NFYA: variants seen among roughly 807,000 people sequenced by gnomAD.
NFYA encodes the protein CAAT-box DNA binding protein subunit A.
In NFYA, 28 loss-of-function variants were observed where a neutral mutation model predicts 52.8. The ratio of observed to expected loss-of-function variants is 0.53; its 90% CI spans 0.39 to 0.73. The LOEUF is 0.73. Among genes scored for constraint, NFYA ranks in the 30% least tolerant of loss-of-function variants. NFYA has a pLI of 0.00. For missense variants in NFYA, 234 were observed against 427.0 expected (o/e 0.55, Z 3.98); for synonymous variants, 150 against 150.7 (o/e 1.00, Z 0.03).
intron 9 of NFYA, among the ~76,000 whole-genome samples, chr6:41,097,106 C>CT (rs2113827327): frequency 6.6e-6 from 1 of 152,312 alleles, no homozygotes; most frequent in South Asian, 2.1e-4. Context: ...AAGAGATACA[C>CT]TAACAGCCCT....
chr6:41,097,402 G>C lies in NFYA; in HGVS notation c.1036G>C (p.Val346Leu), dbSNP rs1364060933. Reference protein sequence around the residue: ...DEEAMTQIIRVS With the variant: ...DEEAMTQIIRLS Reference sequence around the variant, plus strand: ...AGAAGCAATGACACAGATCATCCGAGTGTCCTAACCCCACGCCATGTGATG... The same window carrying C: ...AGAAGCAATGACACAGATCATCCGACTGTCCTAACCCCACGCCATGTGATG... Residue 346 changes from valine (V) to leucine (L), a missense_variant, in exon 10 of 10, where the codon GTG (valine) becomes CTG (leucine). Transcript: ENST00000341376. The C allele has an allele frequency of 1.2e-6, 2 of 1,613,828 alleles. No homozygotes were observed. Among genetic ancestry groups the C allele is most frequent in the Non-Finnish European group, 1.7e-6 (2 of 1,179,902 alleles).
intron 3 of NFYA, among the ~76,000 whole-genome samples, chr6:41,082,754 A>C (rs565845383): frequency 1.3e-5 from 2 of 152,316 alleles, no homozygotes; most frequent in African/African-American, 4.8e-5. Context: ...ATATGCAAGC[A>C]TTTGGTGTAG....
chr6:41,073,945 G>C (rs967175263), intron 1 of NFYA, among the ~76,000 whole-genome samples: 1 of 151,496 alleles, frequency 6.6e-6, no homozygotes, highest in Non-Finnish European at 1.5e-5. Flanking sequence ...TGTCCGGGCT[G>C]TAAGACCAGT....
intron 1 of NFYA, among the ~76,000 whole-genome samples, chr6:41,075,949 G>C (rs1763721844): frequency 6.6e-6 from 1 of 152,206 alleles, no homozygotes; most frequent in South Asian, 2.1e-4. Flanking sequence ...TTAGTGGAGA[G>C]AAGTGCATTA....
At chr6:41,094,255 C>G in intron 8 of NFYA, 141 bp from the exon 9 acceptor site, 2 of 646,226 alleles carry the variant, frequency 3.1e-6, no homozygotes, top group Non-Finnish European at 5.4e-6. Flanking sequence ...CCAAAGCTTC[C>G]ATCGTCATTC....
chr6:41,093,176 C>A, intron 8 of NFYA, 91 bp downstream of exon 8: 2 of 1,149,878 alleles, frequency 1.7e-6, no homozygotes, highest in Non-Finnish European at 2.4e-6. Flanking sequence ...TTCTCACGTA[C>A]CTTCCAAACA....
At chr6:41,083,618 C>G (rs886442052) in intron 3 of NFYA, among the ~76,000 whole-genome samples, 7 of 152,188 alleles carry the variant, frequency 4.6e-5, no homozygotes, top group African/African-American at 1.7e-4. Context: ...ACCTTCTTCA[C>G]TTTATTTAGA....
In NFYA at chr6:41,080,916, C is replaced by G. The variant is rs1226631990; in HGVS notation, c.162+19C>G. 4 of 1,599,626 alleles carry G rather than the reference C, an allele frequency of 2.5e-6. No homozygotes were observed. In the East Asian group the frequency reaches 6.7e-5, roughly 27 times the overall value. On this transcript the variant is annotated intron_variant, in intron 3 of 9. Coordinates refer to ENST00000341376, the MANE Select transcript of NFYA (RefSeq NM_002505.5). ...CCAGGTAGTGGTACCCTCTCTGATT[C>G]TCTGTGAGCACTGCATGAACTTCTC... is the stretch of plus-strand genomic sequence containing the variant.
chr6:41,092,591 G>A (rs1010842138), intron 7 of NFYA, among the ~76,000 whole-genome samples: 22 of 152,114 alleles, frequency 1.4e-4, no homozygotes, highest in African/African-American at 5.3e-4. Context: ...TTTTTGTGCT[G>A]TTTTTTTGTC....
intron 8 of NFYA, among the ~76,000 whole-genome samples, 172 bp from the exon 9 acceptor site, chr6:41,094,224 A>G (rs770991593): frequency 2.0e-5 from 3 of 152,164 alleles, no homozygotes; most frequent in African/African-American, 4.8e-5. Context: ...GGTTAGCTAT[A>G]TTACTTACTA....
At chr6:41,083,846 T>C (rs927005121) in intron 3 of NFYA, among the ~76,000 whole-genome samples, 200 bp from the exon 4 acceptor site, 2 of 152,368 alleles carry the variant, frequency 1.3e-5, no homozygotes, top group East Asian at 1.9e-4. Context: ...TGTCTGACCT[T>C]AAAGTATTGA....
intron 4 of NFYA, among the ~76,000 whole-genome samples, chr6:41,085,149 AT>A: frequency 6.6e-6 from 1 of 152,342 alleles, no homozygotes; most frequent in South Asian, 2.1e-4. Flanking sequence ...CTGTAGAGTT[AT>A]TTTGGAAAGG....
chr6:41,097,067 G>A (rs146220549), intron 9 of NFYA, among the ~76,000 whole-genome samples: 2,575 of 152,280 alleles, frequency 0.017, 33 homozygotes, highest in South Asian at 0.028. Flanking sequence ...TAACCCTTAA[G>A]TATAGAGAAC....
intron 2 of NFYA, among the ~76,000 whole-genome samples, chr6:41,080,397 T>G (rs1294254703): frequency 6.6e-6 from 1 of 152,230 alleles, no homozygotes. Context: ...TCCTCCTTTC[T>G]TGGTGATTGC....
Position 41,084,039 on chromosome 6 carries a change from A to T in NFYA, c.163-7A>T, listed in dbSNP as rs1763978848. 1 of 1,586,848 alleles carries T rather than the reference A, an allele frequency of 6.3e-7. No homozygotes were observed. The highest frequency in any genetic ancestry group is 8.6e-7 in the Non-Finnish European group (1 of 1,168,756). On this transcript the variant is annotated splice_polypyrimidine_tract_variant and splice_region_variant and intron_variant, in intron 3 of 9. Coordinates refer to ENST00000341376, the MANE Select transcript of NFYA (RefSeq NM_002505.5). ...TATTTCATTGTTCTTATTTTATTTC[A>T]TTCTAGGTCCAAGGGCAGCCATTAA...
At chr6:41,094,627 T>C (rs1475807936) in intron 9 of NFYA, 130 bp downstream of exon 9, 7 of 630,406 alleles carry the variant, frequency 1.1e-5, no homozygotes, top group Non-Finnish European at 1.7e-5. Context: ...GGATGCAATC[T>C]TATGTCTCTT....
At chr6:41,073,300 G>T (rs1763588261) in intron 1 of NFYA, among the ~76,000 whole-genome samples, 1 of 151,662 alleles carries the variant, frequency 6.6e-6, no homozygotes, top group South Asian at 2.1e-4. Flanking sequence ...CCCGCGCGGG[G>T]ATGGCGCCTC....
chr6:41,099,024 A>G lies in NFYA; in HGVS notation c.*1614A>G, dbSNP rs1764432751. On this transcript the variant is annotated 3_prime_UTR_variant, in exon 10 of 10. Coordinates refer to ENST00000341376, the MANE Select transcript of NFYA (RefSeq NM_002505.5). ...TTCAGCTTAACTGTATTAAGACAGAAATTAAGCCCTCTAAAAACACCACAA... is the reference window on the plus strand; with the variant it reads ...TTCAGCTTAACTGTATTAAGACAGAGATTAAGCCCTCTAAAAACACCACAA... 1 of 152,232 alleles carries G rather than the reference A, an allele frequency of 6.6e-6. No individual in the cohort carries two copies. Among genetic ancestry groups the G allele is most frequent in the African/African-American group, 2.4e-5 (1 of 41,458 alleles). The allele number at this position is 152,232 out of a possible 1,614,324, so 9.4% of individuals were successfully genotyped here.
At chr6:41,076,975 C>T (rs1763749309) in intron 1 of NFYA, among the ~76,000 whole-genome samples, 1 of 152,160 alleles carries the variant, frequency 6.6e-6, no homozygotes, top group Non-Finnish European at 1.5e-5. Flanking sequence ...AATCTTGATA[C>T]TCTTCAAAGT....
Sources: allele counts gnomAD v4.1 joint callset (sites outside exome capture counted in the v4.1 genomes callset), GRCh38; gene constraint gnomAD v4.1.1; transcripts MANE v1.5; gene names NCBI Gene and HGNC (gene_info 2026-07-23, HGNC 2026-07-21).